Variants in INSL6 observed in about 807,000 individuals in gnomAD.
INSL6 encodes the protein insulin-like peptide INSL6.
Under a neutral mutation model 9.4 loss-of-function variants are expected in INSL6, and 16 were observed. The observed-to-expected ratio is 1.70, with a 90% CI of 1.15 to 2.59. INSL6 has a LOEUF of 2.59. Among genes scored for constraint, INSL6 ranks in the 30% most tolerant of loss-of-function variants. The probability of loss-of-function intolerance (pLI) is 0.00; values close to 1 mark genes in which losing one functional copy is unlikely to be tolerated. For synonymous variants in INSL6, 154 were observed against 96.9 expected, an observed-to-expected ratio of 1.59 and a Z score of -3.46; for missense variants, 391 against 257.3, an observed-to-expected ratio of 1.52 and a Z score of -3.56.
intron 1 of INSL6, among the ~76,000 whole-genome samples, chr9:5,171,774 T>C (rs1408301191): frequency 1.3e-5 from 2 of 152,004 alleles, no homozygotes; most frequent in Non-Finnish European, 2.9e-5. Flanking sequence ...ATGAATACAG[T>C]TAGCGAGGAA....
chr9:5,077,397 A>G, the INSL6 span: 1 of 581,172 alleles, frequency 1.7e-6, no homozygotes, highest in Non-Finnish European at 2.5e-6. Context: ...TAAATTACAT[A>G]TATTTAATTA....
At chr9:5,061,045 T>C in the INSL6 span, among the ~76,000 whole-genome samples, 2 of 152,238 alleles carry the variant, frequency 1.3e-5, no homozygotes, top group South Asian at 4.1e-4. Flanking sequence ...CAATCTTTTT[T>C]TCTGAGCAGA....
At chr9:5,035,434 G>A in the INSL6 span, among the ~76,000 whole-genome samples, 4 of 152,000 alleles carry the variant, frequency 2.6e-5, no homozygotes, top group African/African-American at 4.8e-5. Context: ...CAACCAAAAA[G>A]GAGAATTTTA....
chr9:5,000,762 C>A, the INSL6 span, among the ~76,000 whole-genome samples: 1 of 152,110 alleles, frequency 6.6e-6, no homozygotes, highest in African/African-American at 2.4e-5. Context: ...GAGATACCAT[C>A]TTCTTGTTTG....
chr9:5,168,606 T>C (rs185122510), intron 1 of INSL6, among the ~76,000 whole-genome samples: 9 of 151,734 alleles, frequency 5.9e-5, no homozygotes, highest in Non-Finnish European at 1.0e-4. Flanking sequence ...CTATGACTAA[T>C]AGGGGCACCT....
At chr9:5,016,321 A>G in the INSL6 span, among the ~76,000 whole-genome samples, 82 of 152,210 alleles carry the variant, frequency 5.4e-4, no homozygotes, top group Non-Finnish European at 6.3e-4. Context: ...ACCTGGTTCT[A>G]TATATGGATA....
At chr9:5,056,875 C>T in the INSL6 span, among the ~76,000 whole-genome samples, 7 of 152,152 alleles carry the variant, frequency 4.6e-5, no homozygotes, top group East Asian at 9.6e-4. Context: ...AGTTAAGTAA[C>T]TTTCCAAGGG....
At chr9:5,180,995 C>G (rs1283527153) in intron 1 of INSL6, among the ~76,000 whole-genome samples, 1 of 152,292 alleles carries the variant, frequency 6.6e-6, no homozygotes, top group East Asian at 1.9e-4. Context: ...TAGAGTCCTA[C>G]TGATATGTGC....
chr9:5,072,388 T>C, the INSL6 span: 1 of 755,890 alleles, frequency 1.3e-6, no homozygotes, highest in Non-Finnish European at 2.0e-6. Flanking sequence ...GGAAAATACT[T>C]GCTTATGGAT....
chr9:5,050,688 G>C, the INSL6 span: 1 of 1,610,562 alleles, frequency 6.2e-7, no homozygotes, highest in Non-Finnish European at 8.5e-7. Flanking sequence ...GGTTTTAGTG[G>C]CGGCATGATT....
intron 2 of INSL6, among the ~76,000 whole-genome samples, chr9:5,156,514 T>G (rs1257134380): frequency 2.0e-5 from 3 of 152,086 alleles, no homozygotes; most frequent in Non-Finnish European, 4.4e-5. Context: ...GAAAAAGCAT[T>G]GGACAACATT....
chr9:5,044,737 G>T, the INSL6 span, among the ~76,000 whole-genome samples: 6 of 152,100 alleles, frequency 3.9e-5, no homozygotes, highest in Non-Finnish European at 8.8e-5. Flanking sequence ...TTTTTGGACT[G>T]ATCCTTTTGA....
chr9:4,996,184 T>A, the INSL6 span, among the ~76,000 whole-genome samples: 1 of 152,194 alleles, frequency 6.6e-6, no homozygotes, highest in Non-Finnish European at 1.5e-5. Flanking sequence ...GAGGGTCAAA[T>A]TTAGAATAAT....
At chr9:5,018,568 G>T in the INSL6 span, among the ~76,000 whole-genome samples, 1 of 152,096 alleles carries the variant, frequency 6.6e-6, no homozygotes, top group South Asian at 2.1e-4. Context: ...TGAACTCCTG[G>T]GCTCAAGCAG....
the INSL6 span, among the ~76,000 whole-genome samples, chr9:5,070,354 A>G: frequency 5.3e-5 from 8 of 152,094 alleles, no homozygotes; most frequent in East Asian, 3.8e-4. Context: ...CAAGTTCTCA[A>G]GAAAGTAAGG....
the INSL6 span, chr9:5,081,750 C>T: frequency 9.8e-5 from 156 of 1,597,186 alleles, no homozygotes; most frequent in Admixed American, 1.8e-4. Flanking sequence ...CAGAAAATGA[C>T]ATGTTACCAA....
the INSL6 span, chr9:5,078,334 T>G: frequency 6.2e-7 from 1 of 1,612,634 alleles, no homozygotes; most frequent in Non-Finnish European, 8.5e-7. Context: ...CATGGGAATG[T>G]ATGTGCCAAA....
chr9:5,178,125 T>G (rs557302955), intron 1 of INSL6, among the ~76,000 whole-genome samples: 1 of 152,342 alleles, frequency 6.6e-6, no homozygotes, highest in African/African-American at 2.4e-5. Flanking sequence ...TCCACCCGCC[T>G]TGGCCTCCCA....
At chr9:5,081,707 T>G in the INSL6 span, 1 of 1,547,068 alleles carries the variant, frequency 6.5e-7, no homozygotes, top group Non-Finnish European at 8.9e-7. Flanking sequence ...AAGGTGATAA[T>G]ATTCTTTATT....
Sources: gnomAD v4.1 joint callset for allele counts (sites outside exome capture counted in the v4.1 genomes callset) on GRCh38, gnomAD v4.1.1 for gene constraint, MANE v1.5 for transcripts, NCBI Gene and HGNC (gene_info 2026-07-23, HGNC 2026-07-21) for gene names.